INO80: variants seen among roughly 807,000 people sequenced by gnomAD.
INO80 encodes the protein INO80 complex ATPase subunit.
INO80 carries 20 observed loss-of-function variants against 203.4 expected under a neutral mutation model. The observed-to-expected ratio is 0.10, with a 90% CI of 0.07 to 0.14. INO80 has a LOEUF of 0.14. Ranked by LOEUF, INO80 falls within the 10% of genes least tolerant of loss-of-function variation. The pLI, the probability that INO80 is intolerant of heterozygous loss-of-function variation, is 1.00. For synonymous variants in INO80, 726 were observed against 685.2 expected, an observed-to-expected ratio of 1.06 and a Z score of -0.93; for missense variants, 1,419 against 1,914.4, an observed-to-expected ratio of 0.74 and a Z score of 4.83.
At chr15:41,093,964 A>G (rs538808047) in intron 4 of INO80, among the ~76,000 whole-genome samples, 3 of 152,232 alleles carry the variant, frequency 2.0e-5, no homozygotes, top group African/African-American at 4.8e-5. Context: ...CCAACAGCCT[A>G]AAGTGCAACT....
intron 8 of INO80, among the ~76,000 whole-genome samples, chr15:41,080,445 T>C (rs2045468985): frequency 6.6e-6 from 1 of 152,202 alleles, no homozygotes; most frequent in Admixed American, 6.6e-5. Context: ...TCATTATTTC[T>C]TAGACGAGAC....
At chr15:41,006,417 T>G (rs1457803625) in intron 27 of INO80, among the ~76,000 whole-genome samples, 1 of 152,218 alleles carries the variant, frequency 6.6e-6, no homozygotes, top group Non-Finnish European at 1.5e-5. Context: ...GAAGAACTAG[T>G]ATCAAAAACT....
chr15:41,033,948 G>A (rs985090676), intron 24 of INO80, among the ~76,000 whole-genome samples: 1 of 151,988 alleles, frequency 6.6e-6, no homozygotes, highest in Non-Finnish European at 1.5e-5. Flanking sequence ...TGTAGTCCCA[G>A]CTTCTCGGGA....
intron 19 of INO80, 74 bp downstream of exon 19, chr15:41,053,855 C>T (rs1389092181): frequency 3.6e-6 from 4 of 1,111,452 alleles, no homozygotes; most frequent in Non-Finnish European, 5.3e-6. Context: ...AAACATATAT[C>T]AATAAATTTC....
intron 28 of INO80, among the ~76,000 whole-genome samples, chr15:41,002,812 G>A (rs1489678551): frequency 6.6e-6 from 1 of 152,294 alleles, no homozygotes; most frequent in South Asian, 2.1e-4. Context: ...CATTAAAAAT[G>A]TTGTCGGCAA....
chr15:41,014,348 T>C (rs1015652032), intron 27 of INO80, among the ~76,000 whole-genome samples: 3 of 152,204 alleles, frequency 2.0e-5, no homozygotes, highest in African/African-American at 7.2e-5. Flanking sequence ...TAGCTATACT[T>C]TCCCTGCCTC....
intron 24 of INO80, among the ~76,000 whole-genome samples, chr15:41,040,791 G>C (rs2044654138): frequency 6.6e-6 from 1 of 151,738 alleles, no homozygotes. Flanking sequence ...AAAAAAAAAA[G>C]GGTGGGCAGG....
Position 41,022,007 on chromosome 15 carries a change from T to A in INO80, c.3049-882A>T, listed in dbSNP as rs372359873. Among the ~76,000 whole-genome samples, 9 of 152,248 alleles carry A rather than the reference T, an allele frequency of 5.9e-5. No individual in the cohort carries two copies. The East Asian group carries it at 7.7e-4, about 13-fold the overall frequency. On this transcript the variant is annotated intron_variant, in intron 25 of 35. Transcript: ENST00000648947. ...TTTGTTAAAATGTGGAGGCTGTGAT[T>A]ATCTGTCAAGCCCACGCTGACAAAT...
intron 25 of INO80, chr15:41,024,763 T>A (rs1018921084): frequency 3.9e-5 from 6 of 152,336 alleles, no homozygotes; most frequent in African/African-American, 1.4e-4. Context: ...CCTCAAGTTT[T>A]CATAGCATGT....
At position 41,069,654 on chromosome 15, in the gene INO80, A is replaced by G. The variant is rs1455391128; in HGVS notation, c.1698T>C (p.Ile566=). 4 of 1,606,394 alleles carry G rather than the reference A, an allele frequency of 2.5e-6. No homozygotes were observed. The East Asian group carries it at 9.0e-5, about 36-fold the overall frequency. ...LLAHLAEREN[I]WGPFLIISPA... ...GTGAAATTATTAAGAAAGGTCCCCA[A>G]ATGTTCTCTCTCTGCAACAGAAAAA... Residue 566 remains isoleucine, a synonymous_variant, in exon 14 of 36, where the codon ATT becomes ATC. Coordinates refer to ENST00000648947, the MANE Select transcript of INO80 (RefSeq NM_017553.3).
intron 25 of INO80, among the ~76,000 whole-genome samples, chr15:41,027,391 C>A (rs1596270954): frequency 1.3e-5 from 2 of 152,212 alleles, no homozygotes; most frequent in East Asian, 3.8e-4. Context: ...TACAACTATT[C>A]TTAAATCAAC....
chr15:41,106,607 G>T lies in INO80; in HGVS notation c.-44+9366C>A, dbSNP rs569487513. The stretch of plus-strand genomic sequence containing the variant: ...CATGCCATTGCACTCCAGCCTGGGT[G>T]ACAGGGCAAGACCCCTGTCTCAACA... On this transcript the variant is annotated intron_variant, in intron 1 of 35. Transcript: ENST00000648947. Among the ~76,000 whole-genome samples the T allele has an allele frequency of 3.9e-5, 6 of 152,096 alleles. No individual in the cohort carries two copies. The South Asian group carries it at 1.2e-3, about 32-fold the overall frequency.
At position 40,980,083 on chromosome 15, in the gene INO80, C is replaced by T; in HGVS notation, c.*140G>A. ...TGATAAAAGTGCTCACACCATCCAC[C>T]TGCCTGTCCTTCCCCTGCTGGACAT... On this transcript the variant is annotated 3_prime_UTR_variant, in exon 36 of 36. Transcript: ENST00000648947. 1 of 728,074 alleles carries T rather than the reference C, an allele frequency of 1.4e-6. No individual in the cohort carries two copies. The highest frequency in any genetic ancestry group is 2.4e-6 in the Non-Finnish European group (1 of 420,664). 45.1% of individuals were successfully genotyped at this position (728,074 alleles called of 1,614,324 possible).
intron 29 of INO80, among the ~76,000 whole-genome samples, chr15:40,989,830 A>T (rs1394210093): frequency 6.6e-6 from 1 of 152,166 alleles, no homozygotes; most frequent in African/African-American, 2.4e-5. Context: ...CTTTAGTCAG[A>T]TGGGTCTCTT....
intron 7 of INO80, among the ~76,000 whole-genome samples, chr15:41,081,716 G>A (rs1054935957): frequency 6.6e-6 from 1 of 152,150 alleles, no homozygotes; most frequent in African/African-American, 2.4e-5. Context: ...ATTTGACATG[G>A]AAGAAGATGC....
intron 29 of INO80, among the ~76,000 whole-genome samples, chr15:40,994,576 A>G (rs1596241442): frequency 6.6e-6 from 1 of 152,008 alleles, no homozygotes; most frequent in East Asian, 1.9e-4. Flanking sequence ...CATATTGGCC[A>G]GGCTGGTGTC....
At chr15:41,066,217 AC>A (rs1368625468) in intron 14 of INO80, among the ~76,000 whole-genome samples, 4 of 151,372 alleles carry the variant, frequency 2.6e-5, no homozygotes, top group Non-Finnish European at 5.9e-5. Context: ...ACCTCAGGTG[AC>A]CCCCCTGCCT....
intron 9 of INO80, among the ~76,000 whole-genome samples, chr15:41,076,304 G>C (rs1031421650): frequency 6.6e-6 from 1 of 151,980 alleles, no homozygotes; most frequent in Non-Finnish European, 1.5e-5. Flanking sequence ...AGGTTGCAGT[G>C]AGCCGAGGTC....
chr15:41,115,812 G>A (rs1442228303), intron 1 of INO80, among the ~76,000 whole-genome samples, 161 bp downstream of exon 1: 1 of 152,200 alleles, frequency 6.6e-6, no homozygotes, highest in African/African-American at 2.4e-5. Context: ...CCAACCCTGC[G>A]GGGAGTGTCC....
Sources: allele counts gnomAD v4.1 joint callset (sites outside exome capture counted in the v4.1 genomes callset), GRCh38; gene constraint gnomAD v4.1.1; transcripts MANE v1.5; gene names NCBI Gene and HGNC (gene_info 2026-07-23, HGNC 2026-07-21).